Variants in MACF1 observed in about 807,000 individuals in gnomAD.
The protein encoded by MACF1 is microtubule-actin cross-linking factor 1.
MACF1 carries 193 observed loss-of-function variants against 854.8 expected under a neutral mutation model. That is an observed-to-expected ratio of 0.23 (90% confidence interval 0.20 to 0.25). MACF1 has a LOEUF of 0.25. Ranked by LOEUF, MACF1 falls within the 10% of genes least tolerant of loss-of-function variation. The pLI, the probability that MACF1 is intolerant of heterozygous loss-of-function variation, is 1.00. For synonymous variants in MACF1, 3,185 were observed against 3,226.7 expected, an observed-to-expected ratio of 0.99 and a Z score of 0.44; for missense variants, 7,722 against 8,929.1, an observed-to-expected ratio of 0.86 and a Z score of 5.45.
chr1:39,146,432 G>C (rs1258668706), intron 2 of MACF1, among the ~76,000 whole-genome samples: 1 of 146,894 alleles, frequency 6.8e-6, no homozygotes, highest in Non-Finnish European at 1.5e-5. Context: ...GACAGAGCAA[G>C]ACTCTGTCTC....
At chr1:39,432,823 T>C (rs535658118) in intron 67 of MACF1, among the ~76,000 whole-genome samples, 169 bp downstream of exon 67, 16 of 152,324 alleles carry the variant, frequency 1.1e-4, no homozygotes, top group Admixed American at 9.1e-4. Flanking sequence ...TTTTTTGCTT[T>C]GTGAGAAAGG....
chr1:39,345,490 G>A (rs1474693627), intron 40 of MACF1, among the ~76,000 whole-genome samples: 1 of 151,824 alleles, frequency 6.6e-6, no homozygotes, highest in Non-Finnish European at 1.5e-5. Context: ...GCACACGTGT[G>A]GTCCCAGCTA....
chr1:39,086,772 G>T (rs557366604), intron 2 of MACF1, among the ~76,000 whole-genome samples: 2 of 152,314 alleles, frequency 1.3e-5, no homozygotes, highest in East Asian at 3.9e-4. Context: ...GGCTCCTAAG[G>T]ACCCTGCTGG....
rs749060354 is a variant in MACF1, at chr1:39,442,394, C to G, written c.18949-18C>G. On this transcript the variant is annotated intron_variant, in intron 76 of 100. Transcript: ENST00000564288. ...TAATTTCGTATTGAATATTCCCTTT[C>G]TGTCTTTTCCTGAGTAGCACAAACT... 3.7e-6 allele frequency: 6 copies of G among 1,610,786 alleles called. No homozygotes were observed. The highest frequency in any genetic ancestry group is 1.7e-4 in the Middle Eastern group (1 of 6,058).
intron 44 of MACF1, among the ~76,000 whole-genome samples, chr1:39,355,485 T>G (rs1647470629): frequency 8.4e-6 from 1 of 119,640 alleles, no homozygotes; most frequent in Non-Finnish European, 1.6e-5. Flanking sequence ...TTTTTTTTTT[T>G]GAGACGGAGT....
chr1:39,390,654 T>C (rs1641995978), intron 58 of MACF1, among the ~76,000 whole-genome samples: 1 of 152,214 alleles, frequency 6.6e-6, no homozygotes, highest in Non-Finnish European at 1.5e-5. Context: ...CATTTTTCTT[T>C]CCTCTTTTGT....
chr1:39,307,901 C>CTTTCTTTTTTTTTTTTTTT (rs1222230255), intron 23 of MACF1, among the ~76,000 whole-genome samples: 2 of 50,392 alleles, frequency 4.0e-5, no homozygotes, highest in Non-Finnish European at 7.2e-5. Flanking sequence ...TTCTTTCTTT[C>CTTTCTTTTTTTTTTTTTTT]TTTTTTTTTT....
At chr1:39,232,765 T>TTG (rs762241378) in intron 2 of MACF1, among the ~76,000 whole-genome samples, 228 of 138,142 alleles carry the variant, frequency 1.7e-3, no homozygotes, top group African/African-American at 3.8e-3. Context: ...TTTTTTTTTT[T>TTG]TTTGTTTGTT....
At chr1:39,116,255 G>A (rs1283439124) in intron 2 of MACF1, among the ~76,000 whole-genome samples, 2 of 152,190 alleles carry the variant, frequency 1.3e-5, no homozygotes, top group South Asian at 2.1e-4. Context: ...AAGAATGCAG[G>A]TGATTAAGTT....
In MACF1 at chr1:39,148,926, C is replaced by T. The variant is rs900515490; in HGVS notation, c.220+64488C>T. On this transcript the variant is annotated intron_variant, in intron 2 of 93. Coordinates refer to the MACF1 transcript ENST00000361689. ...TACATTTCATTGAGATTTTTTTCCCCCTTTGGTTGATTTTATGTTGCCGTT... is the reference window on the plus strand; with the variant it reads ...TACATTTCATTGAGATTTTTTTCCCTCTTTGGTTGATTTTATGTTGCCGTT... Among the ~76,000 whole-genome samples the T allele has an allele frequency of 5.3e-5, 8 of 152,168 alleles. No homozygotes were observed. In the South Asian group the frequency reaches 1.0e-3, roughly 20 times the overall value.
intron 2 of MACF1, among the ~76,000 whole-genome samples, chr1:39,185,486 T>A (rs1418751228): frequency 6.6e-6 from 1 of 150,732 alleles, no homozygotes; most frequent in African/African-American, 2.4e-5. Flanking sequence ...CTGGACAGCA[T>A]AGAGGCCCAG....
rs771998064 is a variant in MACF1, at chr1:39,437,963, C to A, written c.18175C>A (p.Leu6059Ile). 1 of 1,613,946 alleles carries A rather than the reference C, an allele frequency of 6.2e-7. No homozygotes were observed. Among genetic ancestry groups the A allele is most frequent in the African/African-American group, 1.3e-5 (1 of 74,886 alleles). ...FEALKRRGEELIGRSQGADKD... is the reference protein window; with the variant it reads ...FEALKRRGEEIIGRSQGADKD... ...GGCCTTGAAGCGCCGTGGAGAGGAG[C>A]TTATTGGACGATCTCAGGGAGCAGA... Residue 6059 changes from leucine to isoleucine, a missense_variant, in exon 71 of 101, where the codon CTT becomes ATT. Coordinates refer to ENST00000564288, the MANE Select transcript of MACF1 (RefSeq NM_001394062.1).
At chr1:39,468,941 G>C (rs528901545) in intron 96 of MACF1, among the ~76,000 whole-genome samples, 1 of 152,198 alleles carries the variant, frequency 6.6e-6, no homozygotes, top group South Asian at 2.1e-4. Flanking sequence ...ATTTGGGGAG[G>C]TAGGTCTAGA....
intron 6 of MACF1, among the ~76,000 whole-genome samples, chr1:39,264,015 C>T (rs113742023): frequency 2.6e-4 from 39 of 152,152 alleles, no homozygotes; most frequent in Admixed American, 1.4e-3. Context: ...CCTCATGATC[C>T]GCCCACCTCA....
chr1:39,391,110 C>CAA (rs140753607), intron 58 of MACF1, among the ~76,000 whole-genome samples: 31 of 120,574 alleles, frequency 2.6e-4, no homozygotes, highest in African/African-American at 7.3e-4. Context: ...GACTCCTTCT[C>CAA]AAAAAAAAAA....
intron 1 of MACF1, among the ~76,000 whole-genome samples, chr1:39,206,306 A>G (rs775765145): frequency 1.3e-5 from 2 of 152,204 alleles, no homozygotes; most frequent in Admixed American, 6.5e-5. Flanking sequence ...GCTTTCCTGT[A>G]TTTGAACTTA....
At chr1:39,465,252 T>C in intron 95 of MACF1, 140 bp downstream of exon 95, 1 of 812,350 alleles carries the variant, frequency 1.2e-6, no homozygotes, top group Non-Finnish European at 2.2e-6. Context: ...GTGGAGAAAC[T>C]GTTGATGGGG....
At chr1:39,107,887 CAGA>C (rs1374730670) in intron 2 of MACF1, among the ~76,000 whole-genome samples, 1 of 152,074 alleles carries the variant, frequency 6.6e-6, no homozygotes, top group Non-Finnish European at 1.5e-5. Context: ...TTTTTATATG[CAGA>C]AGGAGAGCTA....
rs185722559 is a variant in MACF1, at chr1:39,142,484, C to G, written c.220+58046C>G. On this transcript the variant is annotated intron_variant, in intron 2 of 93. Transcript: ENST00000361689. ...AGCTTACAGTGCTATGAATGTACCT[C>G]TAGCTCATGGGTAAGGAGCAGTGTT... Among the ~76,000 whole-genome samples the G allele has an allele frequency of 1.9e-3, 284 of 152,252 alleles. 2 individuals are homozygous for G. The highest frequency in any genetic ancestry group is 7.1e-4 in the Non-Finnish European group (48 of 68,014).
Sources: gnomAD v4.1 joint callset for allele counts (sites outside exome capture counted in the v4.1 genomes callset) on GRCh38, gnomAD v4.1.1 for gene constraint, MANE v1.5 for transcripts, NCBI Gene and HGNC (gene_info 2026-07-23, HGNC 2026-07-21) for gene names.